RPN1: variants seen among roughly 807,000 people sequenced by gnomAD.
RPN1 encodes the protein ribophorin I.
A neutral mutation model predicts 55.5 loss-of-function variants in RPN1; 12 were observed. The ratio of observed to expected loss-of-function variants is 0.22; its 90% CI spans 0.14 to 0.35. The LOEUF (loss-of-function observed/expected upper bound fraction) is 0.35, where lower values mean the gene tolerates loss of function less well. Ranked by LOEUF, RPN1 falls within the 10% of genes least tolerant of loss-of-function variation. The pLI is 1.00. For synonymous variants in RPN1, 317 were observed against 305.9 expected (o/e 1.04, Z -0.38); for missense variants, 679 against 761.3 (o/e 0.89, Z 1.27).
chr3:128,623,557 T>TA (rs2069575967), intron 8 of RPN1, among the ~76,000 whole-genome samples: 1 of 151,344 alleles, frequency 6.6e-6, no homozygotes, highest in South Asian at 2.1e-4. Flanking sequence ...AACATTTTTT[T>TA]AATTAGCTGG....
At chr3:128,643,271 G>A (rs1576799111) in intron 2 of RPN1, among the ~76,000 whole-genome samples, 1 of 150,480 alleles carries the variant, frequency 6.6e-6, no homozygotes, top group East Asian at 1.9e-4. Context: ...AGGTTGCAGT[G>A]AGCCGAGATC....
intron 1 of RPN1, among the ~76,000 whole-genome samples, chr3:128,646,949 G>A (rs2069773143): frequency 6.6e-6 from 1 of 151,792 alleles, no homozygotes; most frequent in African/African-American, 2.4e-5. Context: ...CTCCAGCCTG[G>A]GCAACAGAGT....
intron 3 of RPN1, among the ~76,000 whole-genome samples, chr3:128,636,749 A>T (rs1288440382): frequency 6.6e-6 from 1 of 152,130 alleles, no homozygotes; most frequent in Non-Finnish European, 1.5e-5. Flanking sequence ...AGGTCTCACT[A>T]TGTTGCCCAG....
chr3:128,648,973 T>C (rs1337905789), intron 1 of RPN1, among the ~76,000 whole-genome samples: 1 of 152,216 alleles, frequency 6.6e-6, no homozygotes, highest in Non-Finnish European at 1.5e-5. Context: ...TGAGGATTTA[T>C]ACCTTAAATG....
intron 3 of RPN1, among the ~76,000 whole-genome samples, chr3:128,636,499 GAAAC>G (rs2069683290): frequency 5.1e-5 from 7 of 137,560 alleles, no homozygotes; most frequent in Non-Finnish European, 8.0e-5. Context: ...AAAAAAAAAA[GAAAC>G]AATTATTTCA....
In RPN1 at chr3:128,620,015, T is replaced by TAAAA. The variant is rs367651108; in HGVS notation, c.*392_*395dup. ...TATTTCCATTTGTTCACACACGCTT[T>TAAAA]AAAAAAAAAAAAAAAAACACATGCA... On this transcript the variant is annotated 3_prime_UTR_variant, in exon 10 of 10. Transcript: ENST00000296255. 3.5e-4 allele frequency: 62 copies of TAAAA among 178,708 alleles called. No homozygotes were observed. Among genetic ancestry groups the TAAAA allele is most frequent in the East Asian group, 8.4e-4 (10 of 11,840 alleles). The allele number at this position is 178,708 out of a possible 1,614,324, so 11.1% of individuals were successfully genotyped here.
rs138956755 is a variant in RPN1 at position 128,646,880 on chromosome 3, G to T, written c.262-1897C>A. ...GCCAGCTACTTGGGAGGCTGAGGCA[G>T]GAGAATCACTTGAACCTGGGAGGCA... is the stretch of plus-strand genomic sequence containing the variant. On this transcript the variant is annotated intron_variant, in intron 1 of 9. Coordinates refer to ENST00000296255, the MANE Select transcript of RPN1 (RefSeq NM_002950.4). Among the ~76,000 whole-genome samples, 706 of 151,872 alleles carry T rather than the reference G, an allele frequency of 4.6e-3. 10 individuals are homozygous for T. The highest frequency in any genetic ancestry group is 0.016 in the African/African-American group (673 of 41,382).
chr3:128,632,404 T>G (rs1409092433), intron 3 of RPN1, among the ~76,000 whole-genome samples: 1 of 152,182 alleles, frequency 6.6e-6, no homozygotes, highest in Non-Finnish European at 1.5e-5. Context: ...TGGAGCTGAT[T>G]GTATTAGGCA....
Position 128,650,544 on chromosome 3 carries a change from A to G in RPN1, c.257T>C (p.Val86Ala), listed in dbSNP as rs1415459324. The change falls in exon 1 of 10, where the codon GTG becomes GCG. Residue 86 changes from valine to alanine, a missense_variant. Coordinates refer to ENST00000296255, the MANE Select transcript of RPN1 (RefSeq NM_002950.4). ...CGAGGGGTCGCCCACACTCACCTGC[A>G]CGCCCAGGTGCGCCAGCCGGGCCTC... ...ELEARLAHLG[V>A]QVKGEDEEEN... 1.9e-6 allele frequency: 3 copies of G among 1,540,134 alleles called. No individual in the cohort carries two copies. The East Asian group carries it at 7.4e-5, about 38-fold the overall frequency.
chr3:128,631,616 C>T (rs947350900), intron 4 of RPN1, among the ~76,000 whole-genome samples: 11 of 152,152 alleles, frequency 7.2e-5, no homozygotes, highest in Non-Finnish European at 1.5e-4. Flanking sequence ...GTGGTGCATG[C>T]GTGTAATCCC....
chr3:128,627,379 GA>G (rs2069607026), intron 5 of RPN1: 1 of 153,842 alleles, frequency 6.5e-6, no homozygotes, highest in African/African-American at 2.4e-5. Context: ...CCGCACAGAG[GA>G]AAGCTCAGAA....
intron 5 of RPN1, 91 bp from the exon 6 acceptor site, chr3:128,626,923 G>C (rs2069603608): frequency 8.2e-7 from 1 of 1,222,096 alleles, no homozygotes; most frequent in Admixed American, 1.8e-5. Context: ...TAAAGACAGA[G>C]CAAGTAGACA....
At chr3:128,648,353 C>G (rs1471403528) in intron 1 of RPN1, among the ~76,000 whole-genome samples, 2 of 151,984 alleles carry the variant, frequency 1.3e-5, no homozygotes, top group Non-Finnish European at 2.9e-5. Context: ...CGAGATTGCA[C>G]CACCGCACTC....
chr3:128,621,105 G>A (rs1187378035), intron 9 of RPN1, among the ~76,000 whole-genome samples: 17 of 152,184 alleles, frequency 1.1e-4, no homozygotes, highest in Admixed American at 9.8e-4. Context: ...GAGCCATGGC[G>A]CGCGGCACAA....
At chr3:128,644,807 C>G (rs1038470189) in intron 2 of RPN1, 112 bp downstream of exon 2, 2 of 690,974 alleles carry the variant, frequency 2.9e-6, no homozygotes, top group African/African-American at 1.8e-5. Context: ...AAAAAAAAAC[C>G]CTGTAATAAA....
intron 2 of RPN1, among the ~76,000 whole-genome samples, chr3:128,639,011 C>T (rs1399488963): frequency 6.6e-6 from 1 of 151,928 alleles, no homozygotes; most frequent in East Asian, 1.9e-4. Flanking sequence ...TACTGACAGT[C>T]GTTAGAAATA....
At chr3:128,623,264 C>G (rs2069573564) in intron 8 of RPN1, among the ~76,000 whole-genome samples, 1 of 152,098 alleles carries the variant, frequency 6.6e-6, no homozygotes, top group Non-Finnish European at 1.5e-5. Context: ...TGGCCAGGTG[C>G]AGTGGCTCAC....
chr3:128,626,222 G>C (rs1415780132), intron 6 of RPN1, among the ~76,000 whole-genome samples: 1 of 152,152 alleles, frequency 6.6e-6, no homozygotes, highest in Non-Finnish European at 1.5e-5. Flanking sequence ...GCCCTTGTCT[G>C]CTGGGGCAAC....
chr3:128,625,787 C>A, intron 7 of RPN1, 87 bp downstream of exon 7: 2 of 1,557,130 alleles, frequency 1.3e-6, no homozygotes, highest in Non-Finnish European at 1.8e-6. Context: ...GACTCCAGCC[C>A]AAGGAGGGAC....
Sources: gnomAD v4.1 joint callset for allele counts (sites outside exome capture counted in the v4.1 genomes callset) on GRCh38, gnomAD v4.1.1 for gene constraint, MANE v1.5 for transcripts, NCBI Gene and HGNC (gene_info 2026-07-23, HGNC 2026-07-21) for gene names.